ABCA13: variants seen among roughly 807,000 people sequenced by gnomAD.
ABCA13 encodes the protein ATP-binding cassette sub-family A member 13.
ABCA13 carries 476 observed loss-of-function variants against 478.7 expected under a neutral mutation model. The observed-to-expected ratio is 0.99, with a 90% confidence interval of 0.92 to 1.07. The LOEUF is 1.07. Ranked by LOEUF, ABCA13 falls within the 50% of genes least tolerant of loss-of-function variation. ABCA13 has a pLI of 0.00. For missense variants in ABCA13, 6,060 were observed against 5,910.6 expected, an observed-to-expected ratio of 1.03 and a Z score of -0.83; for synonymous variants, 2,252 against 2,158.9, an observed-to-expected ratio of 1.04 and a Z score of -1.20.
intron 28 of ABCA13, among the ~76,000 whole-genome samples, chr7:48,336,556 C>T (rs1385142250): frequency 1.3e-5 from 2 of 152,102 alleles, no homozygotes; most frequent in Non-Finnish European, 2.9e-5. Context: ...GAGCTAAAGT[C>T]AGTTATCAAG....
intron 27 of ABCA13, among the ~76,000 whole-genome samples, chr7:48,332,594 GT>G (rs1038839726): frequency 5.7e-4 from 86 of 152,066 alleles, no homozygotes; most frequent in Non-Finnish European, 1.0e-3. Context: ...CTGCTCTGTT[GT>G]TTTTTTCTTC....
At chr7:48,609,449 G>A (rs777425633) in intron 58 of ABCA13, among the ~76,000 whole-genome samples, 9 of 152,030 alleles carry the variant, frequency 5.9e-5, no homozygotes, top group Admixed American at 3.3e-4. Flanking sequence ...AAAAAGTCTC[G>A]TATTGGACAT....
At chr7:48,470,026 C>T (rs528622688) in intron 44 of ABCA13, among the ~76,000 whole-genome samples, 1 of 152,318 alleles carries the variant, frequency 6.6e-6, no homozygotes, top group South Asian at 2.1e-4. Flanking sequence ...AAATGACCCT[C>T]CTCCAGCAGC....
intron 59 of ABCA13, among the ~76,000 whole-genome samples, chr7:48,629,452 G>A (rs1434303084): frequency 6.6e-6 from 1 of 151,816 alleles, no homozygotes; most frequent in Middle Eastern, 3.2e-3. Context: ...GCGTGTGTGA[G>A]TGTGTATTTT....
intron 59 of ABCA13, among the ~76,000 whole-genome samples, chr7:48,617,015 C>T (rs922714252): frequency 1.3e-5 from 2 of 152,116 alleles, no homozygotes; most frequent in Admixed American, 6.5e-5. Context: ...GCCTGCGTGA[C>T]AGAGTCAGAA....
chr7:48,439,621 T>G (rs998833166), intron 42 of ABCA13, among the ~76,000 whole-genome samples: 1 of 152,026 alleles, frequency 6.6e-6, no homozygotes, highest in African/African-American at 2.4e-5. Context: ...ATTAACAAAC[T>G]TTTGTAATAC....
In ABCA13 at chr7:48,190,692, T is replaced by C. The variant is rs571690924; in HGVS notation, c.70-2267T>C. Among the ~76,000 whole-genome samples, 31 of 152,278 alleles carry C rather than the reference T, an allele frequency of 2.0e-4. No homozygotes were observed. In the South Asian group the frequency reaches 6.2e-3, roughly 31 times the overall value. ...ATGATGAAGTGATTGGTTAAATAAATTAAATCCTACGGTGGAATATTATGT... is the reference window on the plus strand; with the variant it reads ...ATGATGAAGTGATTGGTTAAATAAACTAAATCCTACGGTGGAATATTATGT... On this transcript the variant is annotated intron_variant, in intron 1 of 61. Transcript: ENST00000435803.
intron 48 of ABCA13, among the ~76,000 whole-genome samples, chr7:48,499,717 G>A (rs1015520224): frequency 5.3e-5 from 8 of 152,266 alleles, no homozygotes; most frequent in African/African-American, 1.2e-4. Context: ...ATTTTGAAAC[G>A]TCATTTCTGA....
At chr7:48,521,103 A>G (rs1832517273) in intron 53 of ABCA13, among the ~76,000 whole-genome samples, 1 of 152,208 alleles carries the variant, frequency 6.6e-6, no homozygotes, top group African/African-American at 2.4e-5. Flanking sequence ...ATAGGATTTA[A>G]TGTGGCCTTG....
intron 55 of ABCA13, among the ~76,000 whole-genome samples, chr7:48,566,545 ACTT>A (rs1377869559): frequency 4.6e-5 from 7 of 152,192 alleles, no homozygotes; most frequent in South Asian, 2.1e-4. Flanking sequence ...AGATGAGCTC[ACTT>A]CTTCTAGGTC....
chr7:48,553,883 G>C (rs1785542696), intron 55 of ABCA13, among the ~76,000 whole-genome samples: 1 of 151,816 alleles, frequency 6.6e-6, no homozygotes, highest in Non-Finnish European at 1.5e-5. Flanking sequence ...AGAAATTTTT[G>C]CCCAGACCAA....
intron 1 of ABCA13, among the ~76,000 whole-genome samples, chr7:48,177,419 G>T (rs1225407524): frequency 6.6e-6 from 1 of 152,184 alleles, no homozygotes; most frequent in Non-Finnish European, 1.5e-5. Context: ...TGGGGCTGGG[G>T]TGCTGCTGAG....
At chr7:48,303,765 T>A (rs1526102) in intron 23 of ABCA13, among the ~76,000 whole-genome samples, 3,842 of 152,268 alleles carry the variant, frequency 0.025, 169 homozygotes, top group African/African-American at 0.088. Flanking sequence ...TTTTTTGATA[T>A]CAAATTCTGA....
At chr7:48,340,563 A>C (rs1806995749) in intron 29 of ABCA13, among the ~76,000 whole-genome samples, 2 of 152,320 alleles carry the variant, frequency 1.3e-5, no homozygotes, top group Middle Eastern at 6.8e-3. Flanking sequence ...GTTCTTTTTT[A>C]GGTGAATTTA....
intron 20 of ABCA13, 37 bp from the exon 21 acceptor site, chr7:48,295,663 G>T: frequency 6.2e-7 from 1 of 1,609,708 alleles, no homozygotes; most frequent in Non-Finnish European, 8.5e-7. Flanking sequence ...AGATAAGTAT[G>T]TGTGCTTCTA....
At chr7:48,215,960 T>A (rs1230786886) in intron 3 of ABCA13, among the ~76,000 whole-genome samples, 1 of 152,226 alleles carries the variant, frequency 6.6e-6, no homozygotes, top group Non-Finnish European at 1.5e-5. Flanking sequence ...AAATTGATGA[T>A]CAACTAATAT....
At chr7:48,399,805 G>C (rs1319905382) in intron 38 of ABCA13, among the ~76,000 whole-genome samples, 1 of 152,170 alleles carries the variant, frequency 6.6e-6, no homozygotes, top group Non-Finnish European at 1.5e-5. Context: ...GGCTTCAGCA[G>C]AGGTGGGGAA....
intron 41 of ABCA13, among the ~76,000 whole-genome samples, chr7:48,421,176 CTTAAG>C (rs1820692731): frequency 6.7e-6 from 1 of 149,310 alleles, no homozygotes; most frequent in South Asian, 2.2e-4. Context: ...CTTTCCCACT[CTTAAG>C]TTAATTTCCT....
At chr7:48,322,958 G>C (rs1411440136) in intron 27 of ABCA13, among the ~76,000 whole-genome samples, 1 of 152,120 alleles carries the variant, frequency 6.6e-6, no homozygotes, top group African/African-American at 2.4e-5. Context: ...TGTAACCTTT[G>C]AAAGTGGTCT....
Sources: gnomAD v4.1 joint callset for allele counts (sites outside exome capture counted in the v4.1 genomes callset) on GRCh38, gnomAD v4.1.1 for gene constraint, MANE v1.5 for transcripts, NCBI Gene and HGNC (gene_info 2026-07-23, HGNC 2026-07-21) for gene names.